The following FAAH variants were observed in gnomAD, a reference collection of about 807,000 sequenced individuals.
FAAH encodes fatty acid amide hydrolase.
In FAAH, 63 loss-of-function variants were observed where a neutral mutation model predicts 69.7. The observed-to-expected ratio is 0.90, with a 90% CI of 0.74 to 1.12. FAAH has a LOEUF of 1.12. FAAH is among the 50% of genes most tolerant of loss of function. The pLI is 0.00. For synonymous variants in FAAH, 305 were observed against 324.2 expected (o/e 0.94, Z 0.64); for missense variants, 680 against 755.0 (o/e 0.90, Z 1.16).
At position 46,411,001 on chromosome 1, in the gene FAAH, C is replaced by T; in HGVS notation, c.1316+147C>T. On this transcript the variant is annotated intron_variant, in intron 11 of 14. Coordinates refer to ENST00000243167, the MANE Select transcript of FAAH (RefSeq NM_001441.3). The surrounding 1 kb of genome is among the most constrained non-coding windows in gnomAD (Gnocchi z 4.8). Reference sequence around the variant, plus strand: ...GCAGGGGGGCAACCTTTGTGGCCTTCAGATGGGACTTTGAAGTTGTCTTGG... The same window carrying T: ...GCAGGGGGGCAACCTTTGTGGCCTTTAGATGGGACTTTGAAGTTGTCTTGG... The T allele has an allele frequency of 1.1e-6, 1 of 905,484 alleles. No homozygotes were observed. The highest frequency in any genetic ancestry group is 1.8e-6 in the Non-Finnish European group (1 of 555,570). 56.1% of individuals were successfully genotyped at this position (905,484 alleles called of 1,614,324 possible).
intron 8 of FAAH, 61 bp from the exon 9 acceptor site, chr1:46,409,040 G>A (rs1285118306): frequency 6.4e-6 from 9 of 1,399,368 alleles, no homozygotes; most frequent in Non-Finnish European, 9.1e-6. Context: ...CGCCCAGACA[G>A]CATGGGGATC....
At position 46,413,448 on chromosome 1, in the gene FAAH, G is replaced by T; in HGVS notation, c.1613G>T (p.Gly538Val). The T allele has an allele frequency of 6.2e-7, 1 of 1,614,168 alleles. No homozygotes were observed. The highest frequency in any genetic ancestry group is 8.5e-7 in the Non-Finnish European group (1 of 1,180,010). The change falls in exon 15 of 15, where the codon GGC becomes GTC. Residue 538 changes from glycine (G) to valine (V), a missense_variant and splice_region_variant. Transcript: ENST00000243167. ...TCCTGATGCCTGTATCCCCTATAGG[G>T]CATGAAGAAGAGTGTGGGGCTGCCG... is the stretch of plus-strand genomic sequence containing the variant. ...GDIWDKMLQK[G>V]MKKSVGLPVA...
At chr1:46,399,809 AATAT>A (rs1268775162) in intron 1 of FAAH, among the ~76,000 whole-genome samples, 1 of 152,346 alleles carries the variant, frequency 6.6e-6, no homozygotes, top group East Asian at 1.9e-4. Flanking sequence ...TGCAAAAAAG[AATAT>A]ATATAGACAA....
chr1:46,412,200 A>G lies in FAAH; in HGVS notation c.1414A>G (p.Thr472Ala), dbSNP rs752963579. Reference sequence around the variant, plus strand: ...GGCGCTGGACCTGGATGTGGTGCTGACCCCCATGCTGGCCCCTGCTCTGGA... The same window carrying G: ...GGCGCTGGACCTGGATGTGGTGCTGGCCCCCATGCTGGCCCCTGCTCTGGA... Reference protein sequence around the residue: ...WRALDLDVVLTPMLAPALDLN... With the variant: ...WRALDLDVVLAPMLAPALDLN... The change falls in exon 13 of 15, where the codon ACC (threonine) becomes GCC (alanine). Residue 472 changes from threonine (T) to alanine (A), a missense_variant. Physicochemically the swap from Thr to Ala is moderately conservative, Grantham distance 58 (BLOSUM62 0). Coordinates refer to ENST00000243167, the MANE Select transcript of FAAH (RefSeq NM_001441.3). 24 of 1,563,450 alleles carry G rather than the reference A, an allele frequency of 1.5e-5. No homozygotes were observed. In the South Asian group the frequency reaches 2.6e-4, roughly 17 times the overall value.
At position 46,413,612 on chromosome 1, in the gene FAAH, C is replaced by T; in HGVS notation, c.*37C>T. On this transcript the variant is annotated 3_prime_UTR_variant, in exon 15 of 15. Coordinates refer to ENST00000243167, the MANE Select transcript of FAAH (RefSeq NM_001441.3). Reference sequence around the variant, plus strand: ...CCAGAGGACCTGAGACTCACACTCTCTGCAGCCCAGCCTAGTCAGGGCACA... The same window carrying T: ...CCAGAGGACCTGAGACTCACACTCTTTGCAGCCCAGCCTAGTCAGGGCACA... 1 of 1,613,730 alleles carries T rather than the reference C, an allele frequency of 6.2e-7. No individual in the cohort carries two copies. Among genetic ancestry groups the T allele is most frequent in the Non-Finnish European group, 8.5e-7 (1 of 1,179,808 alleles).
At position 46,411,501 on chromosome 1, in the gene FAAH, G is replaced by A; in HGVS notation, c.1317-111G>A. 1 of 1,172,270 alleles carries A rather than the reference G, an allele frequency of 8.5e-7. No homozygotes were observed. Among genetic ancestry groups the A allele is most frequent in the Non-Finnish European group, 1.3e-6 (1 of 797,040 alleles). 72.6% of individuals were successfully genotyped at this position (1,172,270 alleles called of 1,614,324 possible). On this transcript the variant is annotated intron_variant, in intron 11 of 14. Transcript: ENST00000243167. The surrounding 1 kb of genome is among the most constrained non-coding windows in gnomAD (Gnocchi z 4.8). ...TCCCTCTCAGAGCTCCCATGGGGTT[G>A]TGAAGGGTCCACGGAGGGGTGAGAT...
chr1:46,394,576 C>A, intron 1 of FAAH, 33 bp downstream of exon 1: 1 of 1,301,394 alleles, frequency 7.7e-7, no homozygotes, highest in Non-Finnish European at 9.7e-7. Context: ...ATGGGCGCGG[C>A]CTGAGGGTAC....
rs1664767559 is a variant in FAAH, at chr1:46,405,162, C to T, written c.444+14C>T. The stretch of plus-strand genomic sequence containing the variant: ...TTCACCTACAAGGTATGCTCTGCCT[C>T]AGCGCCAGGCCTCCATCGTCCCCTC... On this transcript the variant is annotated intron_variant, in intron 3 of 14. Coordinates refer to ENST00000243167, the MANE Select transcript of FAAH (RefSeq NM_001441.3). This position sits in a 1 kb window ranked among gnomAD's most constrained non-coding sequence, Gnocchi z 4.1. 6.2e-7 allele frequency: 1 copy of T among 1,613,472 alleles called. No homozygotes were observed. The highest frequency in any genetic ancestry group is 8.5e-7 in the Non-Finnish European group (1 of 1,180,048).
chr1:46,405,931 G>T lies in FAAH; in HGVS notation c.786-107G>T. 9 of 1,612,172 alleles carry T rather than the reference G, an allele frequency of 5.6e-6. No individual in the cohort carries two copies. The highest frequency in any genetic ancestry group is 7.6e-6 in the Non-Finnish European group (9 of 1,179,780). On this transcript the variant is annotated intron_variant, in intron 5 of 14. Transcript: ENST00000243167. This position sits in a 1 kb window ranked among gnomAD's most constrained non-coding sequence, Gnocchi z 4.1. Reference sequence around the variant, plus strand: ...AGCATTACAGTACCACTGGCCGGGCGTGGGTCCTAGTTTCCAAAGCGGTGA... The same window carrying T: ...AGCATTACAGTACCACTGGCCGGGCTTGGGTCCTAGTTTCCAAAGCGGTGA...
At position 46,394,476 on chromosome 1, in the gene FAAH, G is replaced by C. The variant is rs1219884311; in HGVS notation, c.128G>C (p.Arg43Pro). ...GRRTARGAVV[R>P]ARQRQRAGLE... ...CGGACGGCGCGGGGCGCGGTGGTCC[G>C]GGCGCGACAGAGGCAGCGAGCGGGC... is the stretch of plus-strand genomic sequence containing the variant. The change falls in exon 1 of 15, where the codon CGG (arginine) becomes CCG (proline). Residue 43 changes from arginine (R) to proline (P), a missense_variant. Physicochemically the swap from Arg to Pro is moderately radical, Grantham distance 103. Coordinates refer to ENST00000243167, the MANE Select transcript of FAAH (RefSeq NM_001441.3). 7 of 1,391,016 alleles carry C rather than the reference G, an allele frequency of 5.0e-6. No individual in the cohort carries two copies. Among genetic ancestry groups the C allele is most frequent in the Non-Finnish European group, 6.5e-6 (7 of 1,078,674 alleles). 86.2% of individuals were successfully genotyped at this position (1,391,016 alleles called of 1,614,324 possible). A position where few individuals can be genotyped will look rare whatever the true frequency, so the allele number is the denominator to read the frequency against.
intron 1 of FAAH, among the ~76,000 whole-genome samples, chr1:46,398,786 C>T (rs887111049): frequency 1.1e-4 from 17 of 152,094 alleles, no homozygotes; most frequent in Admixed American, 3.9e-4. Context: ...CCGCCTGCCT[C>T]GGCCTCCCAA....
chr1:46,410,424 T>G lies in FAAH; in HGVS notation c.1202T>G (p.Leu401Arg). ...AAAGGTGATTTCGTGGACCCCTGCC[T>G]GGGGGACCTGGTCTCAATTCTGAAG... ...NFKGDFVDPC[L>R]GDLVSILKLP... Residue 401 changes from leucine to arginine, a missense_variant, in exon 10 of 15, where the codon CTG (leucine) becomes CGG (arginine). Leu to Arg is a moderately radical substitution (Grantham distance 102). Transcript: ENST00000243167. This position sits in a 1 kb window ranked among gnomAD's most constrained non-coding sequence, Gnocchi z 4.9. 3.1e-6 allele frequency: 5 copies of G among 1,614,112 alleles called. No individual in the cohort carries two copies. The highest frequency in any genetic ancestry group is 4.2e-6 in the Non-Finnish European group (5 of 1,179,980).
chr1:46,409,361 G>A, intron 9 of FAAH, 163 bp downstream of exon 9: 1 of 671,052 alleles, frequency 1.5e-6, no homozygotes, highest in East Asian at 2.9e-5. Flanking sequence ...GGCACATTGA[G>A]CCTGGAGATC....
chr1:46,413,068 G>A lies in FAAH; in HGVS notation c.1466-7G>A, dbSNP rs1334658172. The A allele has an allele frequency of 6.2e-7, 1 of 1,613,934 alleles. No homozygotes were observed. Among genetic ancestry groups the A allele is most frequent in the Non-Finnish European group, 8.5e-7 (1 of 1,179,970 alleles). ...GGCCTGCTGCAGCTGCCTGTAATGT[G>A]TTCCAGGGGCCGTCAGCTACACTAT... On this transcript the variant is annotated splice_polypyrimidine_tract_variant and splice_region_variant and intron_variant, in intron 13 of 14. Coordinates refer to ENST00000243167, the MANE Select transcript of FAAH (RefSeq NM_001441.3).
intron 13 of FAAH, 84 bp downstream of exon 13, chr1:46,412,335 C>T (rs1015708285): frequency 2.9e-5 from 34 of 1,178,662 alleles, no homozygotes; most frequent in Admixed American, 5.9e-5. Flanking sequence ...GAAGAGCCCT[C>T]TGGGAGGACC....
chr1:46,402,054 G>C (rs201382670), intron 1 of FAAH, 37 bp from the exon 2 acceptor site: 47 of 1,544,094 alleles, frequency 3.0e-5, no homozygotes, highest in Non-Finnish European at 3.8e-5. Context: ...ATGAGACTTC[G>C]GCGAGTAGGG....
chr1:46,413,818 C>G lies in FAAH; in HGVS notation c.*243C>G. ...TGGCAGCCCATGGGTATGACATAGG[C>G]CAAGGCCCAACTAACAGTCAAGAAA... On this transcript the variant is annotated 3_prime_UTR_variant, in exon 15 of 15. Coordinates refer to ENST00000243167, the MANE Select transcript of FAAH (RefSeq NM_001441.3). The G allele has an allele frequency of 1.8e-6, 1 of 549,230 alleles. No homozygotes were observed. The highest frequency in any genetic ancestry group is 3.2e-5 in the East Asian group (1 of 30,780). The allele number at this position is 549,230 out of a possible 1,614,324, so 34.0% of individuals were successfully genotyped here. A position where few individuals can be genotyped will look rare whatever the true frequency, so the allele number is the denominator to read the frequency against.
At position 46,405,769 on chromosome 1, in the gene FAAH, C is replaced by T; in HGVS notation, c.760C>T (p.Leu254Phe). The change falls in exon 5 of 15, where the codon CTC becomes TTC. Residue 254 changes from leucine to phenylalanine, a missense_variant. By Grantham distance (22) the Leu-to-Phe change is conservative. Coordinates refer to ENST00000243167, the MANE Select transcript of FAAH (RefSeq NM_001441.3). The surrounding 1 kb of genome is among the most constrained non-coding windows in gnomAD (Gnocchi z 4.1). Reference protein sequence around the residue: ...FPSSFCGICGLKPTGNRLSKS... With the variant: ...FPSSFCGICGFKPTGNRLSKS... ...CTCCTCCTTCTGCGGCATCTGCGGC[C>T]TCAAGCCCACAGGGAACCGCCTCAG... 1 of 1,613,510 alleles carries T rather than the reference C, an allele frequency of 6.2e-7. No homozygotes were observed. Among genetic ancestry groups the T allele is most frequent in the Non-Finnish European group, 8.5e-7 (1 of 1,180,032 alleles).
intron 1 of FAAH, among the ~76,000 whole-genome samples, chr1:46,400,833 G>GTA (rs1437938301): frequency 3.7e-5 from 2 of 53,532 alleles, no homozygotes; most frequent in East Asian, 4.1e-4. Flanking sequence ...GGGTAAGAGG[G>GTA]GAGGGGAGGA....
Sources: gnomAD v4.1 joint callset for allele counts (sites outside exome capture counted in the v4.1 genomes callset) on GRCh38, gnomAD v4.1.1 for gene constraint, Gnocchi (gnomAD v3.1) non-coding constraint, MANE v1.5 for transcripts, NCBI Gene and HGNC (gene_info 2026-07-23, HGNC 2026-07-21) for gene names.